OPN1LW: variants seen among roughly 807,000 people sequenced by gnomAD.
OPN1LW encodes long-wave-sensitive opsin 1.
In OPN1LW, 4 loss-of-function variants were observed where a neutral mutation model predicts 18.1. The observed-to-expected ratio is 0.22, with a 90% CI of 0.11 to 0.51. The LOEUF (loss-of-function observed/expected upper bound fraction) is 0.51, where lower values mean the gene tolerates loss of function less well. Ranked by LOEUF, OPN1LW falls within the 20% of genes least tolerant of loss-of-function variation. OPN1LW has a pLI of 0.97. For synonymous variants in OPN1LW, 86 were observed against 101.2 expected (o/e 0.85, Z 0.90); for missense variants, 164 against 234.9 (o/e 0.70, Z 1.97).
At position 154,151,000 on chromosome X, in the gene OPN1LW, G is replaced by A. The variant is rs188572146; in HGVS notation, c.409+48G>A. On this transcript the variant is annotated intron_variant, in intron 2 of 5. Coordinates refer to ENST00000369951, the MANE Select transcript of OPN1LW (RefSeq NM_020061.6). ...TCGGCGGAAACCACTCATTCACCCT[G>A]CAAGCTCCTCCAGCCACCTCATGAT... 73 of 1,173,477 alleles carry A rather than the reference G, an allele frequency of 6.2e-5. 2 individuals carry two copies. Among genetic ancestry groups the A allele is most frequent in the Non-Finnish European group, 7.8e-5 (69 of 881,443 alleles).
chrX:154,150,868 A>G lies in OPN1LW; in HGVS notation c.325A>G (p.Ile109Val). The G allele has an allele frequency of 1.7e-6, 2 of 1,195,624 alleles. No individual in the cohort carries two copies. The highest frequency in any genetic ancestry group is 2.3e-6 in the Non-Finnish European group (2 of 886,296). ...DLAETVIASTISIVNQVSGYF... is the reference protein window; with the variant it reads ...DLAETVIASTVSIVNQVSGYF... Reference sequence around the variant, plus strand: ...AGCAGAGACCGTCATCGCCAGCACTATCAGCATTGTGAACCAGGTCTCTGG... The same window carrying G: ...AGCAGAGACCGTCATCGCCAGCACTGTCAGCATTGTGAACCAGGTCTCTGG... Residue 109 changes from isoleucine to valine, a missense_variant, in exon 2 of 6, where the codon ATC becomes GTC. By Grantham distance (29) the Ile-to-Val change is conservative (BLOSUM62 3). Coordinates refer to ENST00000369951, the MANE Select transcript of OPN1LW (RefSeq NM_020061.6).
chrX:154,145,389 G>A (rs1296516359), intron 1 of OPN1LW, among the ~76,000 whole-genome samples: 1 of 1,008 alleles, frequency 9.9e-4, no homozygotes, highest in African/African-American at 1.9e-3. Context: ...GCTTGAACCC[G>A]GGAGGTGGAG....
chrX:154,150,555 G>A, intron 1 of OPN1LW, 101 bp from the exon 2 acceptor site: 1 of 947,272 alleles, frequency 1.1e-6, no homozygotes, highest in Non-Finnish European at 1.4e-6. Flanking sequence ...AATTGCAAAG[G>A]CAGGAGGGCG....
rs781881080 is a variant in OPN1LW at position 154,149,214 on chromosome X, G to A, written c.113-1442G>A. Among the ~76,000 whole-genome samples, 108 of 83,078 alleles carry A rather than the reference G, an allele frequency of 1.3e-3. 8 individuals carry two copies. The highest frequency in any genetic ancestry group is 7.4e-3 in the Middle Eastern group (1 of 136). The allele number at this position is 83,078 out of a possible 115,157, so 72.1% of individuals were successfully genotyped here. On this transcript the variant is annotated intron_variant, in intron 1 of 5. Coordinates refer to ENST00000369951, the MANE Select transcript of OPN1LW (RefSeq NM_020061.6). ...AGCAAGACTCCGTCTCAAAAAAAAAGAAAAAAAAAAGAAAAGAAAAATAAA... is the reference window on the plus strand; with the variant it reads ...AGCAAGACTCCGTCTCAAAAAAAAAAAAAAAAAAAAGAAAAGAAAAATAAA...
Position 154,156,416 on chromosome X carries a change from C to T in OPN1LW, c.867C>T (p.Cys289=), listed in dbSNP as rs781989203. The T allele has an allele frequency of 7.6e-5, 91 of 1,203,357 alleles. 1 individual carries two copies. Among genetic ancestry groups the T allele is most frequent in the South Asian group, 2.1e-4 (12 of 56,326 alleles). Residue 289 remains cysteine, a synonymous_variant, in exon 5 of 6, where the codon TGC becomes TGT. Transcript: ENST00000369951. ...VCWGPYTFFA[C]FAAANPGYAF... ...GGGGACCCTACACCTTCTTCGCATG[C>T]TTTGCTGCTGCCAACCCTGGTTACG...
intron 1 of OPN1LW, among the ~76,000 whole-genome samples, chrX:154,148,743 G>A (rs2067064087): frequency 9.5e-6 from 1 of 104,896 alleles, no homozygotes; most frequent in Non-Finnish European, 1.9e-5. Context: ...TATGAATTTG[G>A]GTGGGGACAC....
intron 1 of OPN1LW, among the ~76,000 whole-genome samples, chrX:154,149,000 T>C (rs2148783709): frequency 9.8e-6 from 1 of 101,663 alleles, no homozygotes; most frequent in South Asian, 4.0e-4. Context: ...GGTCAGGAGA[T>C]TGAGATCATC....
Position 154,154,592 on chromosome X carries a change from G to A in OPN1LW, c.597G>A (p.Leu199=), listed in dbSNP as rs1557157804. The change falls in exon 4 of 6, where the codon CTG becomes CTA. Residue 199 remains leucine (L), a synonymous_variant. Coordinates refer to ENST00000369951, the MANE Select transcript of OPN1LW (RefSeq NM_020061.6). ...TCTCCAGGTACTGGCCCCACGGCCTGAAGACTTCATGCGGCCCAGACGTGT... is the reference window on the plus strand; with the variant it reads ...TCTCCAGGTACTGGCCCCACGGCCTAAAGACTTCATGCGGCCCAGACGTGT... ...FGWSRYWPHG[L]KTSCGPDVFS... 21 of 1,178,512 alleles carry A rather than the reference G, an allele frequency of 1.8e-5. No homozygotes were observed. Among genetic ancestry groups the A allele is most frequent in the Middle Eastern group, 2.4e-4 (1 of 4,209 alleles).
chrX:154,150,977 G>A lies in OPN1LW; in HGVS notation c.409+25G>A, dbSNP rs2071692. 9.4e-3 allele frequency: 10,914 copies of A among 1,164,948 alleles called. 1,414 individuals are homozygous for A. The African/African-American group carries it at 0.2, about 21-fold the overall frequency. ...GGTAAGCCAGTCGGGGCCCAGGCTC[G>A]GCGGAAACCACTCATTCACCCTGCA... On this transcript the variant is annotated intron_variant, in intron 2 of 5. Coordinates refer to ENST00000369951, the MANE Select transcript of OPN1LW (RefSeq NM_020061.6).
At chrX:154,148,605 TA>T (rs1294953078) in intron 1 of OPN1LW, among the ~76,000 whole-genome samples, 2 of 103,120 alleles carry the variant, frequency 1.9e-5, no homozygotes, top group Non-Finnish European at 3.8e-5. Flanking sequence ...ATCATAATCA[TA>T]ATCAGGACAG....
intron 2 of OPN1LW, among the ~76,000 whole-genome samples, chrX:154,151,173 G>C (rs2067073233): frequency 1.2e-5 from 1 of 81,701 alleles, no homozygotes; most frequent in African/African-American, 5.5e-5. Flanking sequence ...TCCTACTCTT[G>C]AGTCAGGCTC....
In OPN1LW at chrX:154,156,449, C is replaced by G; in HGVS notation, c.900C>G (p.His300Gln). Reference protein sequence around the residue: ...FAAANPGYAFHPLMAALPAYF... With the variant: ...FAAANPGYAFQPLMAALPAYF... The stretch of plus-strand genomic sequence containing the variant: ...CTGCCAACCCTGGTTACGCCTTCCA[C>G]CCTTTGATGGCTGCCCTGCCGGCCT... The change falls in exon 5 of 6, where the codon CAC becomes CAG. Residue 300 changes from histidine to glutamine, a missense_variant. Physicochemically the swap from His to Gln is conservative, Grantham distance 24. Transcript: ENST00000369951. The G allele has an allele frequency of 8.3e-7, 1 of 1,205,227 alleles. No homozygotes were observed. Among genetic ancestry groups the G allele is most frequent in the Non-Finnish European group, 1.1e-6 (1 of 890,558 alleles).
rs782816361 is a variant in OPN1LW, at chrX:154,149,608, T to C, written c.113-1048T>C. Among the ~76,000 whole-genome samples, 298 of 79,335 alleles carry C rather than the reference T, an allele frequency of 3.8e-3. 2 individuals carry two copies. Among genetic ancestry groups the C allele is most frequent in the African/African-American group, 0.018 (286 of 15,842 alleles). 68.9% of individuals were successfully genotyped at this position (79,335 alleles called of 115,157 possible). On this transcript the variant is annotated intron_variant, in intron 1 of 5. Coordinates refer to ENST00000369951, the MANE Select transcript of OPN1LW (RefSeq NM_020061.6). ...CATAGATTGGGTGGCTTTTAAATGA[T>C]AAATTTATTTCTCACAGCTCTGGAG...
intron 1 of OPN1LW, among the ~76,000 whole-genome samples, chrX:154,148,270 CTGT>C (rs1323696358): frequency 2.9e-5 from 3 of 102,401 alleles, no homozygotes; most frequent in Non-Finnish European, 5.7e-5. Context: ...GTTGTTGTTG[CTGT>C]TGTTGTTTTT....
At chrX:154,148,817 G>A in intron 1 of OPN1LW, among the ~76,000 whole-genome samples, 1 of 105,234 alleles carries the variant, frequency 9.5e-6, no homozygotes, top group Non-Finnish European at 1.9e-5. Flanking sequence ...AGCATCTATT[G>A]TGTGCTGGAC....
chrX:154,145,845 T>C, intron 1 of OPN1LW, among the ~76,000 whole-genome samples: 1 of 67,610 alleles, frequency 1.5e-5, no homozygotes, highest in East Asian at 4.9e-4. Context: ...CGGTTTCATC[T>C]CATTTCATCT....
chrX:154,149,480 C>T (rs1318384806), intron 1 of OPN1LW, among the ~76,000 whole-genome samples: 1 of 97,067 alleles, frequency 1.0e-5, no homozygotes, highest in Non-Finnish European at 2.0e-5. Context: ...TGCAGTGACC[C>T]GAGATCACAT....
chrX:154,154,134 T>A lies in OPN1LW; in HGVS notation c.579-440T>A, dbSNP rs1455518689. Among the ~76,000 whole-genome samples, 7 of 95,234 alleles carry A rather than the reference T, an allele frequency of 7.4e-5. 2 individuals carry two copies. Among genetic ancestry groups the A allele is most frequent in the African/African-American group, 1.4e-4 (3 of 20,795 alleles). The allele number at this position is 95,234 out of a possible 115,157, so 82.7% of individuals were successfully genotyped here. ...GATGCACCACTTCACCTAGCTAATTTTTTTTATTTTTTGTAGAGACAAGAT... is the reference window on the plus strand; with the variant it reads ...GATGCACCACTTCACCTAGCTAATTATTTTTATTTTTTGTAGAGACAAGAT... On this transcript the variant is annotated intron_variant, in intron 3 of 5. Transcript: ENST00000369951.
At position 154,154,857 on chromosome X, in the gene OPN1LW, T is replaced by G. The variant is rs1292365108; in HGVS notation, c.744+118T>G. ...TCCAAAAATCCTTAGAGAAGAGGAT[T>G]TTACCCCTATAAGAAAATATTAAGA... On this transcript the variant is annotated intron_variant, in intron 4 of 5. Coordinates refer to ENST00000369951, the MANE Select transcript of OPN1LW (RefSeq NM_020061.6). 4.9e-5 allele frequency: 25 copies of G among 512,139 alleles called. 1 individual carries two copies. Among genetic ancestry groups the G allele is most frequent in the Non-Finnish European group, 7.3e-5 (23 of 317,197 alleles). 42.2% of individuals were successfully genotyped at this position (512,139 alleles called of 1,213,427 possible).
Sources: allele counts gnomAD v4.1 joint callset (sites outside exome capture counted in the v4.1 genomes callset), GRCh38; gene constraint gnomAD v4.1.1; transcripts MANE v1.5; gene names NCBI Gene and HGNC (gene_info 2026-07-23, HGNC 2026-07-21).